The following UBR4 variants were observed in gnomAD, a reference collection of about 807,000 sequenced individuals.
The protein encoded by UBR4 is E3 ubiquitin-protein ligase UBR4.
In UBR4, 124 loss-of-function variants were observed where a neutral mutation model predicts 575.6. The ratio of observed to expected loss-of-function variants is 0.22; its 90% confidence interval spans 0.19 to 0.25. The LOEUF is 0.25. Among genes scored for constraint, UBR4 ranks in the 10% least tolerant of loss-of-function variants. The pLI is 1.00. For synonymous variants in UBR4, 2,455 were observed against 2,473.7 expected (o/e 0.99, Z 0.22); for missense variants, 4,818 against 6,478.8 (o/e 0.74, Z 8.80).
intron 105 of UBR4, among the ~76,000 whole-genome samples, chr1:19,075,668 G>A (rs2075859304): frequency 6.6e-6 from 1 of 152,236 alleles, no homozygotes; most frequent in Non-Finnish European, 1.5e-5. Flanking sequence ...ACACTGCAAG[G>A]GGCAGCCAAT....
rs759111886 is a variant in UBR4 at position 19,144,088 on chromosome 1, G to C, written c.8071C>G (p.Pro2691Ala). The C allele has an allele frequency of 1.3e-4, 211 of 1,613,706 alleles. 2 individuals carry two copies. The Middle Eastern group carries it at 2.3e-3, about 18-fold the overall frequency. ...TGTTTACAAGAGAAGCTCACAGCAGGATCCTGAGGTTTAAAAGGAAACTGT... is the reference window on the plus strand; with the variant it reads ...TGTTTACAAGAGAAGCTCACAGCAGCATCCTGAGGTTTAAAAGGAAACTGT... ...IYMQMLLCPD[P>A]AVSFSCKQAL... The change falls in exon 55 of 106, where the codon CCT (proline) becomes GCT (alanine). Residue 2691 changes from proline (P) to alanine (A), a missense_variant. By Grantham distance (27) the Pro-to-Ala change is conservative (BLOSUM62 -1). This residue lies in a region of UBR4 where 340 missense variants were observed against 375.4 expected (regional missense o/e 0.91). Transcript: ENST00000375254.
At position 19,110,429 on chromosome 1, in the gene UBR4, C is replaced by T. The variant is rs780405153; in HGVS notation, c.11928G>A (p.Thr3976=). The part of the protein sequence containing the change: ...SSLQYEMLLL[T]DSISKEDSCW... ...AGCTGTCCTCCTTGGAGATAGAATCCGTCAGCAGCAGCATTTCATACTGCA... is the reference window on the plus strand; with the variant it reads ...AGCTGTCCTCCTTGGAGATAGAATCTGTCAGCAGCAGCATTTCATACTGCA... The change falls in exon 80 of 106, where the codon ACG becomes ACA. Residue 3976 remains threonine (T), a synonymous_variant. Transcript: ENST00000375254. The surrounding 1 kb of genome is among the most constrained non-coding windows in gnomAD (Gnocchi z 4.5). 8.7e-6 allele frequency: 14 copies of T among 1,614,168 alleles called. No homozygotes were observed. The highest frequency in any genetic ancestry group is 2.2e-5 in the South Asian group (2 of 91,086).
rs776842584 is a variant in UBR4 at position 19,084,504 on chromosome 1, G to A, written c.15008C>T (p.Thr5003Ile). The change falls in exon 102 of 106, where the codon ACA (threonine) becomes ATA (isoleucine). Residue 5003 changes from threonine to isoleucine, a missense_variant and splice_region_variant. By Grantham distance (89) the Thr-to-Ile change is moderately conservative. Transcript: ENST00000375254. ...IIHTVLYVLN[T>I]TRATSREEKN... ...CGCCCCTGGGACACAGGGTACTGAC[G>A]TGTTCAGGACGTAAAGCACAGTGTG... 9.3e-6 allele frequency: 15 copies of A among 1,607,902 alleles called. No individual in the cohort carries two copies. The highest frequency in any genetic ancestry group is 2.2e-5 in the East Asian group (1 of 44,676).
intron 20 of UBR4, among the ~76,000 whole-genome samples, chr1:19,176,078 T>C (rs1420957027): frequency 2.0e-5 from 3 of 151,970 alleles, no homozygotes; most frequent in Non-Finnish European, 2.9e-5. Context: ...TGAGCCACCA[T>C]GCTCAGCCTC....
chr1:19,160,178 C>A lies in UBR4; in HGVS notation c.5510G>T (p.Arg1837Leu). ...QQASAVGSSS[R>L]AQQALSELHT... ...TAGCTCACTGAGGGCTTGCTGAGCACGGCTGCTGCTCCCGACGGCTGAAGC... is the reference window on the plus strand; with the variant it reads ...TAGCTCACTGAGGGCTTGCTGAGCAAGGCTGCTGCTCCCGACGGCTGAAGC... The change falls in exon 39 of 106, where the codon CGT becomes CTT. Residue 1837 changes from arginine (R) to leucine (L), a missense_variant. Physicochemically the swap from Arg to Leu is moderately radical, Grantham distance 102. Coordinates refer to ENST00000375254, the MANE Select transcript of UBR4 (RefSeq NM_020765.3). The A allele has an allele frequency of 6.2e-7, 1 of 1,614,014 alleles. No individual in the cohort carries two copies.
chr1:19,144,203 T>C, intron 54 of UBR4, 112 bp from the exon 55 acceptor site: 1 of 894,360 alleles, frequency 1.1e-6, no homozygotes. Context: ...AATACCTCTC[T>C]ACTCTCACCT....
intron 68 of UBR4, among the ~76,000 whole-genome samples, chr1:19,120,952 T>C (rs1472202498): frequency 6.6e-6 from 1 of 152,242 alleles, no homozygotes; most frequent in Non-Finnish European, 1.5e-5. Context: ...CTACTAAAAA[T>C]GTTCAGTGCA....
intron 105 of UBR4, 111 bp from the exon 106 acceptor site, chr1:19,075,007 T>G: frequency 1.3e-5 from 15 of 1,139,074 alleles, no homozygotes; most frequent in Non-Finnish European, 1.8e-5. Context: ...CGACAAGCTC[T>G]GGCCCGGCTG....
chr1:19,075,738 G>A (rs2075867905), intron 105 of UBR4, among the ~76,000 whole-genome samples: 1 of 152,218 alleles, frequency 6.6e-6, no homozygotes. Flanking sequence ...GGAAGAAAGA[G>A]GAATTCACAC....
Position 19,157,082 on chromosome 1 carries a change from T to C in UBR4, c.5761-157A>G, listed in dbSNP as rs751589484. ...ATCCTAGATCAGTATTAGTCTCTAT[T>C]ACTCCTGGCTAAAAGCTATGGAATG... On this transcript the variant is annotated intron_variant, in intron 40 of 105. Coordinates refer to ENST00000375254, the MANE Select transcript of UBR4 (RefSeq NM_020765.3). The surrounding 1 kb of genome is among the most constrained non-coding windows in gnomAD (Gnocchi z 4.4). 2.0e-5 allele frequency among the ~76,000 whole-genome samples: 3 copies of C among 152,238 alleles called. No individual in the cohort carries two copies. Among genetic ancestry groups the C allele is most frequent in the African/African-American group, 4.8e-5 (2 of 41,460 alleles).
At chr1:19,142,170 G>A (rs572003857) in intron 55 of UBR4, among the ~76,000 whole-genome samples, 1 of 152,314 alleles carries the variant, frequency 6.6e-6, no homozygotes, top group Admixed American at 6.5e-5. Context: ...TGTCTGTCAT[G>A]GCAGATTAGA....
chr1:19,197,724 T>A lies in UBR4; in HGVS notation c.839A>T (p.Asn280Ile). Residue 280 changes from asparagine (N) to isoleucine (I), a missense_variant, in exon 7 of 106, where the codon AAT becomes ATT. Asn to Ile is a moderately radical substitution (Grantham distance 149, BLOSUM62 -3). Transcript: ENST00000375254. ...INRFQDAVLA[N>I]SFFIMPATVA... ...TGTTGCAGGCATTATGAAGAAGGAA[T>A]TAGCTAAAACTGCATCTTGGAACCG... 6.2e-7 allele frequency: 1 copy of A among 1,614,158 alleles called. No homozygotes were observed. The highest frequency in any genetic ancestry group is 2.2e-5 in the East Asian group (1 of 44,886).
In UBR4 at chr1:19,161,150, A is replaced by G; in HGVS notation, c.5176-3T>C. 2 of 1,613,672 alleles carry G rather than the reference A, an allele frequency of 1.2e-6. No homozygotes were observed. Among genetic ancestry groups the G allele is most frequent in the Non-Finnish European group, 1.7e-6 (2 of 1,179,782 alleles). On this transcript the variant is annotated splice_polypyrimidine_tract_variant and splice_region_variant and intron_variant, in intron 37 of 105. Coordinates refer to ENST00000375254, the MANE Select transcript of UBR4 (RefSeq NM_020765.3). Reference sequence around the variant, plus strand: ...CTAGGAGTTCTCTTCACCAGAGCCTAGGGACAGAAAATGTCAGAGTCCCTA... The same window carrying G: ...CTAGGAGTTCTCTTCACCAGAGCCTGGGGACAGAAAATGTCAGAGTCCCTA...
Position 19,155,147 on chromosome 1 carries a change from T to C in UBR4, c.6301-72A>G, listed in dbSNP as rs2086272593. The C allele has an allele frequency of 1.3e-5, 21 of 1,585,852 alleles. No individual in the cohort carries two copies. The South Asian group carries it at 2.1e-4, about 16-fold the overall frequency. On this transcript the variant is annotated intron_variant, in intron 43 of 105. Transcript: ENST00000375254. Reference sequence around the variant, plus strand: ...CTACCAACTTCCGGTTTATACTGGTTATTATTTTCAATCATGATCAGGTGC... The same window carrying C: ...CTACCAACTTCCGGTTTATACTGGTCATTATTTTCAATCATGATCAGGTGC...
chr1:19,151,450 C>T (rs1278953045), intron 48 of UBR4, 193 bp downstream of exon 48: 2 of 652,262 alleles, frequency 3.1e-6, no homozygotes, highest in Admixed American at 5.2e-5. Context: ...TTACTGCTAC[C>T]ATGCTCCGGT....
intron 11 of UBR4, among the ~76,000 whole-genome samples, chr1:19,191,117 T>C (rs2092038233): frequency 6.6e-6 from 1 of 152,160 alleles, no homozygotes; most frequent in South Asian, 2.1e-4. Flanking sequence ...TCACATATGG[T>C]CTCTACATCA....
intron 43 of UBR4, 76 bp downstream of exon 43, chr1:19,155,364 GA>G: frequency 7.1e-7 from 1 of 1,414,322 alleles, no homozygotes; most frequent in Non-Finnish European, 9.7e-7. Context: ...TGTTATAAAA[GA>G]ACAAAGAAAA....
rs746539596 is a variant in UBR4, at chr1:19,198,907, T to C, written c.400A>G (p.Lys134Glu). Residue 134 changes from lysine (K) to glutamate (E), a missense_variant, in exon 4 of 106, where the codon AAG becomes GAG. Transcript: ENST00000375254. ...VSQKHLILLI[K>E]GLCTGCSRLD... The stretch of plus-strand genomic sequence containing the variant: ...CGGCTACAGCCAGTGCACAGGCCCT[T>C]GATTAGGAGAATCAAGTGTTTCTGA... 3.1e-6 allele frequency: 5 copies of C among 1,614,052 alleles called. No homozygotes were observed. The highest frequency in any genetic ancestry group is 1.1e-5 in the South Asian group (1 of 91,058).
chr1:19,140,976 G>A, intron 57 of UBR4, 84 bp from the exon 58 acceptor site: 2 of 1,389,008 alleles, frequency 1.4e-6, no homozygotes, highest in East Asian at 5.0e-5. Flanking sequence ...GCCCTCAAGA[G>A]TCTCCAAACA....
Sources: allele counts gnomAD v4.1 joint callset (sites outside exome capture counted in the v4.1 genomes callset), GRCh38; gene constraint gnomAD v4.1.1; regional missense constraint gnomAD v4.1.1; non-coding constraint Gnocchi (gnomAD v3.1); transcripts MANE v1.5; gene names NCBI Gene and HGNC (gene_info 2026-07-23, HGNC 2026-07-21).